Variants in RABGAP1L observed in about 807,000 individuals in gnomAD.
RABGAP1L encodes rab GTPase-activating protein 1-like.
RABGAP1L carries 63 observed loss-of-function variants against 137.7 expected under a neutral mutation model. That is an observed-to-expected ratio of 0.46 (90% confidence interval 0.37 to 0.56). The LOEUF is 0.56. RABGAP1L is among the 20% of genes least tolerant of loss of function. The pLI is 0.00. For missense variants in RABGAP1L, 1,095 were observed against 1,244.0 expected, an observed-to-expected ratio of 0.88 and a Z score of 1.80; for synonymous variants, 431 against 433.7, an observed-to-expected ratio of 0.99 and a Z score of 0.08.
At chr1:174,848,507 C>T (rs1387500295) in intron 19 of RABGAP1L, among the ~76,000 whole-genome samples, 53 of 148,944 alleles carry the variant, frequency 3.6e-4, no homozygotes, top group African/African-American at 5.6e-4. Flanking sequence ...TCAGTTTGCC[C>T]CTGCTGGGGG....
At chr1:174,860,478 T>C (rs1650093812) in intron 19 of RABGAP1L, among the ~76,000 whole-genome samples, 1 of 152,110 alleles carries the variant, frequency 6.6e-6, no homozygotes, top group South Asian at 2.1e-4. Context: ...AGTGATTTTT[T>C]AAAAATGAAG....
chr1:174,497,882 A>G (rs1396937404), intron 13 of RABGAP1L, among the ~76,000 whole-genome samples: 1 of 151,670 alleles, frequency 6.6e-6, no homozygotes, highest in East Asian at 1.9e-4. Context: ...AGGGAGTTAC[A>G]TGTTACAGTA....
intron 19 of RABGAP1L, among the ~76,000 whole-genome samples, chr1:174,840,430 AG>A (rs1404145436): frequency 1.3e-5 from 2 of 152,126 alleles, no homozygotes; most frequent in Non-Finnish European, 2.9e-5. Context: ...AGAACTTTCT[AG>A]GGGGCAAAAC....
At chr1:174,533,831 C>G (rs898984550) in intron 13 of RABGAP1L, among the ~76,000 whole-genome samples, 3 of 151,994 alleles carry the variant, frequency 2.0e-5, no homozygotes, top group Admixed American at 1.3e-4. Flanking sequence ...CCACCACACC[C>G]AGCAAATTTT....
chr1:174,534,802 A>AAAAAAAAAAATAATAAT (rs1553324953), intron 13 of RABGAP1L, among the ~76,000 whole-genome samples: 5 of 137,308 alleles, frequency 3.6e-5, no homozygotes, highest in East Asian at 2.1e-4. Flanking sequence ...AAAAAAAAAA[A>AAAAAAAAAAATAATAAT]AATAATTAGA....
intron 1 of RABGAP1L, among the ~76,000 whole-genome samples, chr1:174,200,854 C>T (rs893278556): frequency 6.6e-6 from 1 of 152,176 alleles, no homozygotes; most frequent in Non-Finnish European, 1.5e-5. Flanking sequence ...GGATAAAGTA[C>T]AGTGTCTTTT....
chr1:174,642,664 C>T (rs967263418), intron 14 of RABGAP1L, among the ~76,000 whole-genome samples: 50 of 149,460 alleles, frequency 3.3e-4, no homozygotes, highest in African/African-American at 1.2e-3. Flanking sequence ...CCCACCCTCT[C>T]CCCTCCTCTC....
At chr1:174,346,670 A>C (rs1022362741) in intron 11 of RABGAP1L, among the ~76,000 whole-genome samples, 2 of 149,828 alleles carry the variant, frequency 1.3e-5, no homozygotes, top group Non-Finnish European at 3.0e-5. Context: ...AATTTTGTTT[A>C]TCTTTTAAAA....
rs1234228992 is a variant in RABGAP1L at position 174,195,616 on chromosome 1, T to TCTTTCTTCCTTCCTTC, written c.-33-23506_-33-23505insTCTTCCTTCCTTCCTT. On this transcript the variant is annotated intron_variant, in intron 1 of 25. Transcript: ENST00000681986. ...TTCTTTCTTTCTTTCTTTCTTTCTTTCTTCCTTCCTTCCTTCCTTCCTTCC... is the reference window on the plus strand; with the variant it reads ...TTCTTTCTTTCTTTCTTTCTTTCTTTCTTTCTTCCTTCCTTCCTTCCTTCCTTCCTTCCTTCCTTCC... 1.5e-3 allele frequency among the ~76,000 whole-genome samples: 88 copies of TCTTTCTTCCTTCCTTC among 57,638 alleles called. 2 individuals carry two copies. The highest frequency in any genetic ancestry group is 0.02 in the Middle Eastern group (2 of 100). 37.8% of individuals were successfully genotyped at this position (57,638 alleles called of 152,430 possible).
At chr1:174,637,649 G>A (rs1674171342) in intron 14 of RABGAP1L, among the ~76,000 whole-genome samples, 161 bp downstream of exon 14, 1 of 152,142 alleles carries the variant, frequency 6.6e-6, no homozygotes, top group Non-Finnish European at 1.5e-5. Context: ...ATCCCAGAAG[G>A]TGACTTTTCG....
rs1649662258 is a variant in RABGAP1L, at chr1:174,409,518, C to T, written c.1710+15373C>T. Among the ~76,000 whole-genome samples, 3 of 152,126 alleles carry T rather than the reference C, an allele frequency of 2.0e-5. No individual in the cohort carries two copies. In the South Asian group the frequency reaches 6.2e-4, roughly 32 times the overall value. On this transcript the variant is annotated intron_variant, in intron 13 of 25. Transcript: ENST00000681986. Reference sequence around the variant, plus strand: ...AAAAAGAACAGAATAACACGATTTTCAGGAAACAAGGGAAGACAACCATAA... The same window carrying T: ...AAAAAGAACAGAATAACACGATTTTTAGGAAACAAGGGAAGACAACCATAA...
At chr1:174,444,805 T>G (rs1188244929) in intron 13 of RABGAP1L, among the ~76,000 whole-genome samples, 1 of 152,088 alleles carries the variant, frequency 6.6e-6, no homozygotes, top group East Asian at 1.9e-4. Flanking sequence ...TCTTTGATTT[T>G]ATTTATTTGA....
chr1:174,581,599 G>C (rs190572994), intron 13 of RABGAP1L, among the ~76,000 whole-genome samples: 10 of 152,300 alleles, frequency 6.6e-5, no homozygotes, highest in Non-Finnish European at 1.3e-4. Context: ...TTGGAGGTAT[G>C]AAAATGTTTT....
chr1:174,438,067 A>T (rs921030267), intron 13 of RABGAP1L, among the ~76,000 whole-genome samples: 1 of 152,176 alleles, frequency 6.6e-6, no homozygotes, highest in African/African-American at 2.4e-5. Context: ...CTCCTGAAGG[A>T]AGCACTAAAC....
intron 1 of RABGAP1L, among the ~76,000 whole-genome samples, chr1:174,169,750 C>T (rs1665193365): frequency 6.6e-6 from 1 of 152,074 alleles, no homozygotes; most frequent in Non-Finnish European, 1.5e-5. Flanking sequence ...AGTGCAGTGG[C>T]ACGGTCATAG....
rs115264950 is a variant in RABGAP1L at position 174,966,463 on chromosome 1, A to G, written c.2434-2814A>G. On this transcript the variant is annotated intron_variant, in intron 20 of 25. Coordinates refer to ENST00000681986, the MANE Select transcript of RABGAP1L (RefSeq NM_001366446.1). ...GGAAATTTATTGAAAAAGCTTCTCA[A>G]ATCTTTTTTTTTAATCTAAGTTTCC... Among the ~76,000 whole-genome samples the G allele has an allele frequency of 8.6e-3, 1,303 of 152,258 alleles. 17 individuals are homozygous for G. Among genetic ancestry groups the G allele is most frequent in the African/African-American group, 0.03 (1,248 of 41,540 alleles).
intron 17 of RABGAP1L, among the ~76,000 whole-genome samples, chr1:174,737,057 T>C (rs993598919): frequency 6.6e-6 from 1 of 152,228 alleles, no homozygotes; most frequent in Non-Finnish European, 1.5e-5. Flanking sequence ...CTTTTAGTTA[T>C]GCTACTCTCT....
chr1:174,875,476 T>C, intron 19 of RABGAP1L: 1 of 968,934 alleles, frequency 1.0e-6, no homozygotes, highest in South Asian at 4.8e-5. Flanking sequence ...TAAGGCATTG[T>C]GGGAAGTACT....
At chr1:174,293,428 G>C (rs964666743) in intron 10 of RABGAP1L, among the ~76,000 whole-genome samples, 1 of 152,134 alleles carries the variant, frequency 6.6e-6, no homozygotes, top group Admixed American at 6.5e-5. Flanking sequence ...TGCTCTAAAA[G>C]CCTTTCTAAA....
Sources: allele counts gnomAD v4.1 joint callset (sites outside exome capture counted in the v4.1 genomes callset), GRCh38; gene constraint gnomAD v4.1.1; transcripts MANE v1.5; gene names NCBI Gene and HGNC (gene_info 2026-07-23, HGNC 2026-07-21).